TBCK: variants seen among roughly 807,000 people sequenced by gnomAD.
The protein encoded by TBCK is TBC1 domain containing kinase.
Under a neutral mutation model 113.4 loss-of-function variants are expected in TBCK, and 99 were observed. The observed-to-expected ratio is 0.87, with a 90% CI of 0.74 to 1.03. The LOEUF (loss-of-function observed/expected upper bound fraction) is 1.03, where lower values mean the gene tolerates loss of function less well. TBCK is among the 50% of genes least tolerant of loss of function. The pLI is 0.00. For missense variants in TBCK, 1,045 were observed against 1,061.3 expected (o/e 0.98, Z 0.21); for synonymous variants, 369 against 370.8 (o/e 1.00, Z 0.05).
At chr4:106,130,635 A>G (rs952632939) in intron 23 of TBCK, among the ~76,000 whole-genome samples, 6 of 148,640 alleles carry the variant, frequency 4.0e-5, no homozygotes, top group Non-Finnish European at 6.0e-5. Context: ...CACACCACAC[A>G]GAAACTGCAA....
upstream of TBCK, chr4:106,316,538 C>T: frequency 6.4e-7 from 1 of 1,551,598 alleles, no homozygotes; most frequent in Non-Finnish European, 8.7e-7. Flanking sequence ...ACGCGGGTGG[C>T]TGGACCTACA....
At chr4:106,188,971 T>TAAG (rs1224281228) in intron 22 of TBCK, among the ~76,000 whole-genome samples, 4 of 152,100 alleles carry the variant, frequency 2.6e-5, no homozygotes, top group Non-Finnish European at 5.9e-5. Flanking sequence ...AATTTTCCCC[T>TAAG]TTTCCATAAA....
chr4:106,095,729 G>T, intron 24 of TBCK, 88 bp from the exon 25 acceptor site: 1 of 1,167,042 alleles, frequency 8.6e-7, no homozygotes, highest in Non-Finnish European at 1.2e-6. Context: ...ACTCCCAGAA[G>T]ATAGTACTAA....
At chr4:106,190,811 G>A (rs1344169217) in intron 22 of TBCK, among the ~76,000 whole-genome samples, 2 of 152,058 alleles carry the variant, frequency 1.3e-5, no homozygotes, top group Non-Finnish European at 2.9e-5. Flanking sequence ...CGCCATGTCG[G>A]CTCACTGCAA....
chr4:106,150,112 G>A (rs1456196469), intron 23 of TBCK, among the ~76,000 whole-genome samples: 2 of 152,158 alleles, frequency 1.3e-5, no homozygotes, highest in African/African-American at 4.8e-5. Flanking sequence ...TTGCCCTTTG[G>A]CAGTAAAAAT....
intron 23 of TBCK, among the ~76,000 whole-genome samples, chr4:106,143,618 T>G (rs1747392197): frequency 6.6e-6 from 1 of 152,152 alleles, no homozygotes; most frequent in Admixed American, 6.5e-5. Context: ...GTCTTTGTCA[T>G]TAAAAGTAAA....
At chr4:106,072,413 G>A (rs765737855) in intron 25 of TBCK, among the ~76,000 whole-genome samples, 2 of 152,148 alleles carry the variant, frequency 1.3e-5, no homozygotes, top group Admixed American at 6.5e-5. Flanking sequence ...TGAGAATGTT[G>A]AATATTGGCC....
At chr4:106,197,552 A>T (rs940898634) in intron 20 of TBCK, among the ~76,000 whole-genome samples, 6 of 151,836 alleles carry the variant, frequency 4.0e-5, no homozygotes, top group Non-Finnish European at 8.8e-5. Flanking sequence ...AACAAAACAA[A>T]ACAAAACAAA....
chr4:106,283,294 T>C (rs1029126257), intron 3 of TBCK, among the ~76,000 whole-genome samples: 3 of 152,110 alleles, frequency 2.0e-5, no homozygotes, highest in South Asian at 4.2e-4. Flanking sequence ...TCAAAAACGT[T>C]AACTAGAGAA....
intron 23 of TBCK, among the ~76,000 whole-genome samples, chr4:106,169,812 T>A (rs72968440): frequency 0.027 from 4,096 of 152,198 alleles, 178 homozygotes; most frequent in African/African-American, 0.094. Flanking sequence ...TGGTCCCATC[T>A]GGGGATAATG....
chr4:106,242,528 T>C lies in TBCK; in HGVS notation c.1112A>G (p.Asp371Gly), dbSNP rs372034281. The change falls in exon 12 of 26, where the codon GAT becomes GGT. Residue 371 changes from aspartate (D) to glycine (G), a missense_variant. Transcript: ENST00000394708. ...EDGESFGQGR[D>G]RSSLLDDTTV... is the part of the protein sequence containing the mutation. Reference sequence around the variant, plus strand: ...GGTATCATCTAAAAGCGAGCTTCTATCTCGACCTTGTCCAAAGCTTTCACC... The same window carrying C: ...GGTATCATCTAAAAGCGAGCTTCTACCTCGACCTTGTCCAAAGCTTTCACC... The C allele has an allele frequency of 1.9e-6, 3 of 1,609,024 alleles. No homozygotes were observed. Among genetic ancestry groups the C allele is most frequent in the Admixed American group, 1.7e-5 (1 of 59,454 alleles).
intron 25 of TBCK, among the ~76,000 whole-genome samples, chr4:106,077,852 T>C (rs558222470): frequency 2.0e-5 from 3 of 152,286 alleles, no homozygotes; most frequent in East Asian, 3.9e-4. Context: ...AGAATACATA[T>C]TCTTCTCATC....
At chr4:106,104,729 G>T (rs1262018588) in intron 24 of TBCK, among the ~76,000 whole-genome samples, 1 of 152,246 alleles carries the variant, frequency 6.6e-6, no homozygotes, top group Admixed American at 6.5e-5. Flanking sequence ...CAGACACTTG[G>T]TATAGGTGCC....
chr4:106,153,013 A>G (rs996607784), intron 23 of TBCK, among the ~76,000 whole-genome samples: 1 of 152,068 alleles, frequency 6.6e-6, no homozygotes, highest in Non-Finnish European at 1.5e-5. Context: ...TTTCAAAAAA[A>G]CCAACTCTTT....
Position 106,044,593 on chromosome 4 carries a change from G to A in TBCK, c.*1977C>T, listed in dbSNP as rs2149436375. 1 of 152,250 alleles carries A rather than the reference G, an allele frequency of 6.6e-6. No individual in the cohort carries two copies. Among genetic ancestry groups the A allele is most frequent in the Non-Finnish European group, 1.5e-5 (1 of 68,010 alleles). 9.4% of individuals were successfully genotyped at this position (152,250 alleles called of 1,614,324 possible). A position where few individuals can be genotyped will look rare whatever the true frequency, so the allele number is the denominator to read the frequency against. ...GGGACAACTGGATACTCATATGCAA[G>A]AATGAACCTGGACCCCTCACTCCAT... On this transcript the variant is annotated 3_prime_UTR_variant, in exon 26 of 26. Transcript: ENST00000394708.
chr4:106,260,198 A>G (rs769652158), intron 5 of TBCK, among the ~76,000 whole-genome samples: 3 of 151,916 alleles, frequency 2.0e-5, no homozygotes, highest in Non-Finnish European at 4.4e-5. Flanking sequence ...TATAATGTAA[A>G]GAATGTCAAT....
intron 22 of TBCK, among the ~76,000 whole-genome samples, chr4:106,189,008 A>G (rs1753356833): frequency 6.6e-6 from 1 of 152,172 alleles, no homozygotes; most frequent in Non-Finnish European, 1.5e-5. Flanking sequence ...ACCACAAACA[A>G]GACTGACATA....
chr4:106,266,642 G>GT (rs1198978737), intron 3 of TBCK, among the ~76,000 whole-genome samples: 1 of 151,664 alleles, frequency 6.6e-6, no homozygotes, highest in African/African-American at 2.4e-5. Flanking sequence ...ATGACATACC[G>GT]TTTCTTAGCT....
At chr4:106,306,236 A>ATTTTTTTTT (rs60417567) in intron 2 of TBCK, among the ~76,000 whole-genome samples, 1 of 97,326 alleles carries the variant, frequency 1.0e-5, no homozygotes, top group Admixed American at 1.1e-4. Flanking sequence ...TGCCTGGCTA[A>ATTTTTTTTT]TTTTTTTTTT....
Sources: allele counts gnomAD v4.1 joint callset (sites outside exome capture counted in the v4.1 genomes callset), GRCh38; gene constraint gnomAD v4.1.1; transcripts MANE v1.5; gene names NCBI Gene and HGNC (gene_info 2026-07-23, HGNC 2026-07-21).